The following GRIP1 variants were observed in gnomAD, a reference collection of about 807,000 sequenced individuals.
GRIP1 encodes glutamate receptor-interacting protein 1.
GRIP1 carries 45 observed loss-of-function variants against 129.9 expected under a neutral mutation model. The observed-to-expected ratio is 0.35, with a 90% CI of 0.27 to 0.44. The LOEUF is 0.44. Among genes scored for constraint, GRIP1 ranks in the 20% least tolerant of loss-of-function variants. GRIP1 has a pLI of 1.00. For synonymous variants in GRIP1, 530 were observed against 520.8 expected, an observed-to-expected ratio of 1.02 and a Z score of -0.24; for missense variants, 1,196 against 1,396.8, an observed-to-expected ratio of 0.86 and a Z score of 2.29.
intron 1 of GRIP1, among the ~76,000 whole-genome samples, chr12:66,658,734 G>A (rs2033319519): frequency 6.6e-6 from 1 of 151,946 alleles, no homozygotes; most frequent in Non-Finnish European, 1.5e-5. Flanking sequence ...GGGAGATCCT[G>A]TCTCTAAAAA....
At chr12:66,463,505 C>G (rs1327276714) in intron 8 of GRIP1, among the ~76,000 whole-genome samples, 2 of 152,074 alleles carry the variant, frequency 1.3e-5, no homozygotes, top group African/African-American at 4.8e-5. Flanking sequence ...TCAAACATGA[C>G]TCTCAGAATT....
At chr12:66,933,109 T>C (rs2041427074) in intron 1 of GRIP1, among the ~76,000 whole-genome samples, 1 of 152,258 alleles carries the variant, frequency 6.6e-6, no homozygotes, top group Non-Finnish European at 1.5e-5. Flanking sequence ...GATACTGGAC[T>C]TACTGGCTGA....
intron 1 of GRIP1, among the ~76,000 whole-genome samples, chr12:66,755,657 C>T (rs1253181625): frequency 6.6e-6 from 1 of 152,154 alleles, no homozygotes; most frequent in Non-Finnish European, 1.5e-5. Context: ...GGCAGTGGGA[C>T]CTCTCCGTTA....
At chr12:66,583,159 G>A (rs1359832256) in intron 2 of GRIP1, among the ~76,000 whole-genome samples, 1 of 151,540 alleles carries the variant, frequency 6.6e-6, no homozygotes, top group Non-Finnish European at 1.5e-5. Context: ...AATGGCGAAA[G>A]GATTCCCTAT....
At chr12:66,557,652 G>C (rs985360916) in intron 2 of GRIP1, among the ~76,000 whole-genome samples, 3 of 152,106 alleles carry the variant, frequency 2.0e-5, no homozygotes, top group Non-Finnish European at 4.4e-5. Context: ...CTAGAAATCA[G>C]TAACAAGAGG....
intron 1 of GRIP1, among the ~76,000 whole-genome samples, chr12:66,964,390 T>C (rs1413594490): frequency 6.6e-6 from 1 of 152,014 alleles, no homozygotes; most frequent in Non-Finnish European, 1.5e-5. Flanking sequence ...TGGGTGTGCA[T>C]ATGAATGGTA....
chr12:66,815,099 A>G (rs952164235), intron 1 of GRIP1, among the ~76,000 whole-genome samples: 43 of 152,328 alleles, frequency 2.8e-4, no homozygotes, highest in Admixed American at 1.8e-3. Context: ...TATCCTTTAT[A>G]TGCATATAGG....
At chr12:66,384,025 G>A (rs1011647282) in intron 19 of GRIP1, among the ~76,000 whole-genome samples, 1 of 152,176 alleles carries the variant, frequency 6.6e-6, no homozygotes, top group South Asian at 2.1e-4. Flanking sequence ...TTAGAAGCAT[G>A]GGCCTCTGAT....
At chr12:66,857,514 G>T (rs1355966662) in intron 1 of GRIP1, among the ~76,000 whole-genome samples, 1 of 151,192 alleles carries the variant, frequency 6.6e-6, no homozygotes, top group East Asian at 2.0e-4. Flanking sequence ...GCTATCTCTA[G>T]GGTGGAGTTC....
At chr12:66,349,370 G>A (rs898010378) in intron 24 of GRIP1, 124 bp from the exon 25 acceptor site, 3 of 749,054 alleles carry the variant, frequency 4.0e-6, no homozygotes, top group African/African-American at 1.7e-5. Flanking sequence ...GCGCCATGAG[G>A]TCTATCCTTG....
At chr12:67,023,951 C>T (rs1465885614) in intron 1 of GRIP1, among the ~76,000 whole-genome samples, 2 of 152,020 alleles carry the variant, frequency 1.3e-5, no homozygotes, top group Non-Finnish European at 2.9e-5. Context: ...TTCCTTCCTT[C>T]CATCTAAGCA....
chr12:66,852,758 A>T (rs2039936893), intron 1 of GRIP1, among the ~76,000 whole-genome samples: 1 of 151,938 alleles, frequency 6.6e-6, no homozygotes, highest in South Asian at 2.1e-4. Context: ...TTTACTTGTT[A>T]CATTATTAAT....
At chr12:66,405,047 C>G (rs559797153) in intron 16 of GRIP1, among the ~76,000 whole-genome samples, 1 of 152,244 alleles carries the variant, frequency 6.6e-6, no homozygotes, top group East Asian at 1.9e-4. Flanking sequence ...AAGAAACAAA[C>G]AAACAAAACA....
intron 19 of GRIP1, among the ~76,000 whole-genome samples, chr12:66,389,873 C>G (rs990242488): frequency 6.6e-6 from 1 of 152,076 alleles, no homozygotes; most frequent in African/African-American, 2.4e-5. Context: ...TACAGATACT[C>G]GTCAGTAAAT....
At chr12:66,702,070 C>T (rs190684521) in intron 1 of GRIP1, among the ~76,000 whole-genome samples, 15 of 152,146 alleles carry the variant, frequency 9.9e-5, no homozygotes, top group Admixed American at 7.2e-4. Flanking sequence ...TGGTCATAAA[C>T]GATGAGAAAA....
intron 1 of GRIP1, among the ~76,000 whole-genome samples, chr12:66,837,120 T>C (rs929401235): frequency 5.3e-5 from 8 of 152,214 alleles, no homozygotes; most frequent in African/African-American, 1.9e-4. Flanking sequence ...TCATGGCTTT[T>C]CTCTTTCTAA....
intron 1 of GRIP1, among the ~76,000 whole-genome samples, chr12:66,936,794 C>G (rs12825803): frequency 0.21 from 31,398 of 152,036 alleles, 3,503 homozygotes; most frequent in South Asian, 0.26. Context: ...CACCATGCCA[C>G]CAGGGTAACC....
At position 66,445,507 on chromosome 12, in the gene GRIP1, C is replaced by T. The variant is rs1467627842; in HGVS notation, c.1356G>A (p.Leu452=). 1.2e-6 allele frequency: 2 copies of T among 1,610,088 alleles called. No individual in the cohort carries two copies. Among genetic ancestry groups the T allele is most frequent in the East Asian group, 2.2e-5 (1 of 44,838 alleles). Residue 452 remains leucine, a splice_region_variant and synonymous_variant, in exon 12 of 25, where the codon TTG becomes TTA. Transcript: ENST00000359742. ...ATCCTACTGTGCTGGAGGCTAAGGA[C>T]ACTAGAGGAACAAACAGAAAATACT... ...RLKKKDFKSS[L]SLASSTVGLA...
At chr12:66,556,480 T>C (rs1260094206) in intron 2 of GRIP1, among the ~76,000 whole-genome samples, 1 of 152,042 alleles carries the variant, frequency 6.6e-6, no homozygotes, top group Non-Finnish European at 1.5e-5. Flanking sequence ...TAAGAAATCA[T>C]CTGAAGTTAC....
Sources: allele counts gnomAD v4.1 joint callset (sites outside exome capture counted in the v4.1 genomes callset), GRCh38; gene constraint gnomAD v4.1.1; transcripts MANE v1.5; gene names NCBI Gene and HGNC (gene_info 2026-07-23, HGNC 2026-07-21).